The following CUBN variants were observed in gnomAD, a reference collection of about 807,000 sequenced individuals.
CUBN encodes the protein cubilin.
Under a neutral mutation model 405.3 loss-of-function variants are expected in CUBN, and 282 were observed. That is an observed-to-expected ratio of 0.70 (90% CI 0.63 to 0.77). The LOEUF (loss-of-function observed/expected upper bound fraction) is 0.77. Ranked by LOEUF, CUBN falls within the 30% of genes least tolerant of loss-of-function variation. The pLI, the probability that CUBN is intolerant of heterozygous loss-of-function variation, is 0.00. For missense variants in CUBN, 4,514 were observed against 4,475.2 expected (o/e 1.01, Z -0.25); for synonymous variants, 1,684 against 1,617.0 (o/e 1.04, Z -0.99).
intron 48 of CUBN, among the ~76,000 whole-genome samples, chr10:16,910,828 A>C (rs1841708435): frequency 6.6e-6 from 1 of 151,960 alleles, no homozygotes; most frequent in Non-Finnish European, 1.5e-5. Context: ...ATTTATGGTA[A>C]AATAAAGATA....
rs1841367236 is a variant in CUBN, at chr10:16,901,477, AC to A, written c.8063-19del. The A allele has an allele frequency of 1.2e-6, 2 of 1,613,844 alleles. No individual in the cohort carries two copies. The highest frequency in any genetic ancestry group is 1.7e-6 in the Non-Finnish European group (2 of 1,179,894). The stretch of plus-strand genomic sequence containing the variant: ...GCCACAATCTGAAATGAGATTGGTA[AC>A]CCTCTCAATAAAACAGAAGTAAAAA... On this transcript the variant is annotated intron_variant, in intron 51 of 66. Transcript: ENST00000377833.
intron 54 of CUBN, among the ~76,000 whole-genome samples, chr10:16,892,602 C>A (rs1588625675): frequency 6.6e-6 from 1 of 152,076 alleles, no homozygotes; most frequent in East Asian, 1.9e-4. Context: ...GGTGATCTTC[C>A]CACCTCAGCC....
At chr10:16,840,003 G>A (rs529669607) in intron 62 of CUBN, among the ~76,000 whole-genome samples, 81 of 149,892 alleles carry the variant, frequency 5.4e-4, no homozygotes, top group Middle Eastern at 6.8e-3. Flanking sequence ...ACTCATAGGT[G>A]GGAATTGAAC....
At chr10:17,052,714 C>A (rs1231986360) in intron 22 of CUBN, among the ~76,000 whole-genome samples, 37 of 121,676 alleles carry the variant, frequency 3.0e-4, no homozygotes, top group African/African-American at 1.1e-3. Context: ...GAGCTGGGAG[C>A]TTGCCACTGC....
chr10:17,093,688 C>A lies in CUBN; in HGVS notation c.1766-5343G>T, dbSNP rs572171711. ...CTGTGAGGAAGTAGTAAAAAAAAAACCAAAACCCAATAATAAATAAAACAG... is the reference window on the plus strand; with the variant it reads ...CTGTGAGGAAGTAGTAAAAAAAAAAACAAAACCCAATAATAAATAAAACAG... On this transcript the variant is annotated intron_variant, in intron 14 of 66. Transcript: ENST00000377833. Among the ~76,000 whole-genome samples, 44 of 151,052 alleles carry A rather than the reference C, an allele frequency of 2.9e-4. No homozygotes were observed. In the Middle Eastern group the frequency reaches 0.017, roughly 59 times the overall value.
At chr10:16,936,634 C>T (rs1016423854) in intron 39 of CUBN, among the ~76,000 whole-genome samples, 2 of 152,276 alleles carry the variant, frequency 1.3e-5, no homozygotes, top group African/African-American at 4.8e-5. Flanking sequence ...CTTAGAATAT[C>T]CTCCAAGAAA....
intron 17 of CUBN, among the ~76,000 whole-genome samples, chr10:17,079,018 T>A (rs1306980348): frequency 6.6e-6 from 1 of 152,050 alleles, no homozygotes; most frequent in African/African-American, 2.4e-5. Flanking sequence ...AAATTAGGTG[T>A]TCTATCATCT....
intron 62 of CUBN, among the ~76,000 whole-genome samples, chr10:16,837,626 T>C (rs2131314610): frequency 6.6e-6 from 1 of 152,196 alleles, no homozygotes; most frequent in East Asian, 1.9e-4. Flanking sequence ...TCTCTGTTCA[T>C]CTCCAGTGCC....
chr10:17,083,831 A>C (rs930036794), intron 17 of CUBN, among the ~76,000 whole-genome samples: 4 of 152,180 alleles, frequency 2.6e-5, no homozygotes, highest in African/African-American at 9.7e-5. Context: ...CCCAGCAAAC[A>C]AAAACAGCCT....
Position 16,916,020 on chromosome 10 carries a change from C to T in CUBN, c.7011G>A (p.Gly2337=), listed in dbSNP as rs1254417514. 1 of 1,613,720 alleles carries T rather than the reference C, an allele frequency of 6.2e-7. No individual in the cohort carries two copies. Among genetic ancestry groups the T allele is most frequent in the East Asian group, 2.2e-5 (1 of 44,868 alleles). Residue 2337 remains glycine (G), a synonymous_variant, in exon 46 of 67, where the codon GGG becomes GGA. Coordinates refer to ENST00000377833, the MANE Select transcript of CUBN (RefSeq NM_001081.4). ...CACCACTTTGCCCTGGTACTCTTCC[C>T]CCACACTGAGCTGCAAAAAATAAAA... ...FKAKYSIAQC[G]GRVPGQSGVV...
At chr10:17,014,475 C>T (rs866020249) in intron 28 of CUBN, among the ~76,000 whole-genome samples, 23 of 152,190 alleles carry the variant, frequency 1.5e-4, no homozygotes, top group Middle Eastern at 6.8e-3. Flanking sequence ...CAGCAAAAGC[C>T]GATGATTCCA....
intron 31 of CUBN, among the ~76,000 whole-genome samples, chr10:16,961,704 CTTTTTTTT>C (rs138499807): frequency 1.4e-5 from 1 of 74,038 alleles, no homozygotes; most frequent in Non-Finnish European, 2.5e-5. Flanking sequence ...AAAGCAATCC[CTTTTTTTT>C]TTTTTTTTTT....
At chr10:17,101,091 A>T (rs113758291) in intron 13 of CUBN, among the ~76,000 whole-genome samples, 34 of 152,352 alleles carry the variant, frequency 2.2e-4, no homozygotes, top group African/African-American at 7.2e-4. Flanking sequence ...GAAAAAGAAT[A>T]TAAGGAATTT....
chr10:16,903,705 AT>A (rs1841470751), intron 51 of CUBN, among the ~76,000 whole-genome samples: 1 of 148,084 alleles, frequency 6.8e-6, no homozygotes, highest in Admixed American at 6.8e-5. Context: ...TAATTTTAAA[AT>A]TTAATAATTT....
intron 51 of CUBN, among the ~76,000 whole-genome samples, chr10:16,903,575 T>A (rs1474987208): frequency 1.3e-5 from 2 of 150,382 alleles, no homozygotes; most frequent in African/African-American, 4.9e-5. Context: ...TAAAGTTACA[T>A]GTATGCAAAA....
rs201148877 is a variant in CUBN at position 17,127,200 on chromosome 10, CTCTG to C, written c.349-405_349-402del. ...TCTTTCTCTCTCTCTCTTTCTTTCACTCTGTCTTTCTTTCTCTCTCTCTCTCTGT... is the reference window on the plus strand; with the variant it reads ...TCTTTCTCTCTCTCTCTTTCTTTCACTCTTTCTTTCTCTCTCTCTCTCTGT... On this transcript the variant is annotated intron_variant, in intron 3 of 66. Coordinates refer to ENST00000377833, the MANE Select transcript of CUBN (RefSeq NM_001081.4). Among the ~76,000 whole-genome samples the C allele has an allele frequency of 6.0e-3, 731 of 121,548 alleles. 3 individuals carry two copies. The highest frequency in any genetic ancestry group is 0.019 in the Middle Eastern group (5 of 260). 79.7% of individuals were successfully genotyped at this position (121,548 alleles called of 152,430 possible). A position where few individuals can be genotyped will look rare whatever the true frequency, so the allele number is the denominator to read the frequency against.
Position 16,954,502 on chromosome 10 carries a change from C to T in CUBN, c.4742G>A (p.Cys1581Tyr). 1 of 1,613,996 alleles carries T rather than the reference C, an allele frequency of 6.2e-7. No homozygotes were observed. Among genetic ancestry groups the T allele is most frequent in the Non-Finnish European group, 8.5e-7 (1 of 1,180,016 alleles). Residue 1581 changes from cysteine (C) to tyrosine (Y), a missense_variant, in exon 32 of 67, where the codon TGT (cysteine) becomes TAT (tyrosine). Physicochemically the swap from Cys to Tyr is radical, Grantham distance 194. This residue lies in a region of CUBN where 1,613 missense variants were observed against 1,542.8 expected (regional missense o/e 1.05). Coordinates refer to ENST00000377833, the MANE Select transcript of CUBN (RefSeq NM_001081.4). ...GGGGTTAGCCAGCTGCTCCCTTCCA[C>T]ACGTCCTGGCAAGGCGGGACATTGT... is the stretch of plus-strand genomic sequence containing the variant. ...SSTMSRLARTCGREQLANPIV... is the reference protein window; with the variant it reads ...SSTMSRLARTYGREQLANPIV...
At chr10:16,908,694 T>C (rs900142527) in intron 48 of CUBN, among the ~76,000 whole-genome samples, 3 of 152,086 alleles carry the variant, frequency 2.0e-5, no homozygotes, top group African/African-American at 7.2e-5. Context: ...GCATGACTGG[T>C]TTTCACAGTT....
rs77614110 is a variant in CUBN, at chr10:17,086,289, T to G, written c.1948-530A>C. 6.8e-4 allele frequency among the ~76,000 whole-genome samples: 103 copies of G among 152,314 alleles called. No homozygotes were observed. The East Asian group carries it at 0.019, about 28-fold the overall frequency. On this transcript the variant is annotated intron_variant, in intron 15 of 66. Transcript: ENST00000377833. ...TGTGACTGGATTTCAATTCCAAGGC[T>G]GGACATATAGTTAGAATTTTTGTCA... is the stretch of plus-strand genomic sequence containing the variant.
Sources: allele counts gnomAD v4.1 joint callset (sites outside exome capture counted in the v4.1 genomes callset), GRCh38; gene constraint gnomAD v4.1.1; regional missense constraint gnomAD v4.1.1; transcripts MANE v1.5; gene names NCBI Gene and HGNC (gene_info 2026-07-23, HGNC 2026-07-21).